The following CNTNAP2 variants were observed in gnomAD, a reference collection of about 807,000 sequenced individuals.
The protein encoded by CNTNAP2 is contactin-associated protein-like 2.
Under a neutral mutation model 155.2 loss-of-function variants are expected in CNTNAP2, and 98 were observed. The observed-to-expected ratio is 0.63, with a 90% CI of 0.54 to 0.75. CNTNAP2 has a LOEUF of 0.75. Ranked by LOEUF, CNTNAP2 falls within the 30% of genes least tolerant of loss-of-function variation. The probability of loss-of-function intolerance (pLI) is 0.00; values close to 1 mark genes in which losing one functional copy is unlikely to be tolerated. For missense variants in CNTNAP2, 1,727 were observed against 1,688.1 expected (o/e 1.02, Z -0.40); for synonymous variants, 651 against 631.2 (o/e 1.03, Z -0.47).
chr7:146,661,906 T>C lies in CNTNAP2; in HGVS notation c.98-112365T>C, dbSNP rs368693201. On this transcript the variant is annotated intron_variant, in intron 1 of 23. Coordinates refer to ENST00000361727, the MANE Select transcript of CNTNAP2 (RefSeq NM_014141.6). Reference sequence around the variant, plus strand: ...AAATAACAAACATGGTTATACCATTTTGCATTTCTAGCCAAAAAATATAAA... The same window carrying C: ...AAATAACAAACATGGTTATACCATTCTGCATTTCTAGCCAAAAAATATAAA... Among the ~76,000 whole-genome samples the C allele has an allele frequency of 3.9e-5, 6 of 152,318 alleles. No individual in the cohort carries two copies. In the South Asian group the frequency reaches 1.2e-3, roughly 32 times the overall value.
chr7:146,705,581 G>A (rs758988182), intron 1 of CNTNAP2, among the ~76,000 whole-genome samples: 11 of 151,042 alleles, frequency 7.3e-5, no homozygotes, highest in Non-Finnish European at 1.0e-4. Context: ...CCTGAGACTG[G>A]ATAATTTATA....
intron 1 of CNTNAP2, among the ~76,000 whole-genome samples, chr7:146,172,365 C>A (rs116824154): frequency 6.6e-6 from 1 of 151,776 alleles, no homozygotes; most frequent in Non-Finnish European, 1.5e-5. Flanking sequence ...ATGACCACCC[C>A]CAAAGCACAG....
intron 10 of CNTNAP2, among the ~76,000 whole-genome samples, chr7:147,458,764 T>C (rs1025759696): frequency 6.6e-6 from 1 of 152,254 alleles, no homozygotes; most frequent in African/African-American, 2.4e-5. Context: ...CTAGTATCAA[T>C]ATAGCTTAAC....
chr7:148,020,035 C>T (rs1229444415), intron 15 of CNTNAP2, among the ~76,000 whole-genome samples: 1 of 152,170 alleles, frequency 6.6e-6, no homozygotes, highest in Non-Finnish European at 1.5e-5. Flanking sequence ...GGTCCATCAG[C>T]CTTGGCCTTC....
chr7:147,979,655 C>T (rs1370496000), intron 15 of CNTNAP2, among the ~76,000 whole-genome samples: 14 of 152,030 alleles, frequency 9.2e-5, no homozygotes, highest in Non-Finnish European at 2.1e-4. Flanking sequence ...CGGAGTCTTG[C>T]TCTGTCGCCC....
intron 15 of CNTNAP2, among the ~76,000 whole-genome samples, chr7:148,112,740 GAA>G (rs1489660343): frequency 1.3e-5 from 2 of 152,022 alleles, no homozygotes; most frequent in Admixed American, 1.3e-4. Flanking sequence ...TATTTGGGGA[GAA>G]TATAGAGAAA....
At chr7:147,607,546 T>C (rs922056267) in intron 12 of CNTNAP2, among the ~76,000 whole-genome samples, 7 of 152,158 alleles carry the variant, frequency 4.6e-5, no homozygotes, top group African/African-American at 1.7e-4. Context: ...AAGTCACATA[T>C]AACACAGCCC....
rs372582943 is a variant in CNTNAP2, at chr7:146,906,021, C to A, written c.402+66117C>A. ...GCAAGGGGTCAGGGAGTTCCCTTTC[C>A]GAGTCAAAGAAAGGGGTGACGGACG... On this transcript the variant is annotated intron_variant, in intron 3 of 23. Coordinates refer to ENST00000361727, the MANE Select transcript of CNTNAP2 (RefSeq NM_014141.6). 5.9e-5 allele frequency among the ~76,000 whole-genome samples: 9 copies of A among 152,298 alleles called. No individual in the cohort carries two copies. The East Asian group carries it at 1.7e-3, about 29-fold the overall frequency.
At chr7:146,181,494 C>T (rs1267121754) in intron 1 of CNTNAP2, among the ~76,000 whole-genome samples, 4 of 152,030 alleles carry the variant, frequency 2.6e-5, no homozygotes, top group Non-Finnish European at 5.9e-5. Context: ...TAAATCAATG[C>T]GGTTTTACAT....
intron 13 of CNTNAP2, among the ~76,000 whole-genome samples, chr7:147,811,521 C>T (rs1798179382): frequency 6.6e-6 from 1 of 152,150 alleles, no homozygotes; most frequent in African/African-American, 2.4e-5. Flanking sequence ...CGATGTTTGG[C>T]TCATGAAGAC....
chr7:146,861,232 T>C (rs1795092823), intron 3 of CNTNAP2, among the ~76,000 whole-genome samples: 1 of 152,074 alleles, frequency 6.6e-6, no homozygotes, highest in African/African-American at 2.4e-5. Context: ...TTTGTATTTT[T>C]AGTAGAGACA....
In CNTNAP2 at chr7:147,903,655, G is replaced by A. The variant is rs1799912086; in HGVS notation, c.2189G>A (p.Cys730Tyr). 4 of 1,614,112 alleles carry A rather than the reference G, an allele frequency of 2.5e-6. No individual in the cohort carries two copies. The highest frequency in any genetic ancestry group is 3.4e-6 in the Non-Finnish European group (4 of 1,179,996). The change falls in exon 14 of 24, where the codon TGC (cysteine) becomes TAC (tyrosine). Residue 730 changes from cysteine to tyrosine, a missense_variant. By Grantham distance (194) the Cys-to-Tyr change is radical. Coordinates refer to ENST00000361727, the MANE Select transcript of CNTNAP2 (RefSeq NM_014141.6). ...GSGPGIQKCACGIERNCTDPK... is the reference protein window; with the variant it reads ...GSGPGIQKCAYGIERNCTDPK... ...GGGCCTGGAATCCAGAAATGTGCCT[G>A]CGGCATCGAACGCAACTGCACAGAT...
intron 1 of CNTNAP2, among the ~76,000 whole-genome samples, chr7:146,576,081 A>G (rs1345564036): frequency 2.6e-5 from 4 of 152,194 alleles, no homozygotes; most frequent in Non-Finnish European, 2.9e-5. Context: ...GGAGCCCATG[A>G]CAGTGAAGAA....
chr7:148,303,938 T>C (rs938516263), intron 21 of CNTNAP2, among the ~76,000 whole-genome samples: 3 of 152,204 alleles, frequency 2.0e-5, no homozygotes, highest in Admixed American at 6.5e-5. Context: ...AAGTTGAAGT[T>C]TGAAGAAAAT....
chr7:147,330,414 C>T (rs1167117231), intron 9 of CNTNAP2, among the ~76,000 whole-genome samples: 1 of 152,048 alleles, frequency 6.6e-6, no homozygotes, highest in African/African-American at 2.4e-5. Flanking sequence ...TCTTGAGTTC[C>T]CTGAGATACT....
intron 13 of CNTNAP2, among the ~76,000 whole-genome samples, chr7:147,663,156 G>A (rs1023540229): frequency 2.1e-5 from 3 of 144,572 alleles, no homozygotes; most frequent in Non-Finnish European, 4.5e-5. Context: ...CCACAACCAC[G>A]CCCGGCTAAT....
intron 17 of CNTNAP2, among the ~76,000 whole-genome samples, chr7:148,159,306 A>G (rs1399154037): frequency 6.6e-6 from 1 of 152,124 alleles, no homozygotes; most frequent in Admixed American, 6.5e-5. Flanking sequence ...AACGTATTTT[A>G]TGGATGGTCT....
At chr7:147,268,730 C>T (rs965360993) in intron 8 of CNTNAP2, among the ~76,000 whole-genome samples, 3 of 152,144 alleles carry the variant, frequency 2.0e-5, no homozygotes, top group Non-Finnish European at 4.4e-5. Flanking sequence ...ATTTCAGATA[C>T]ACTGAGTTTT....
At chr7:146,660,497 T>C (rs1321058261) in intron 1 of CNTNAP2, among the ~76,000 whole-genome samples, 1 of 152,238 alleles carries the variant, frequency 6.6e-6, no homozygotes, top group African/African-American at 2.4e-5. Flanking sequence ...GTACTTCAAA[T>C]TGTTGTTACA....
Sources: allele counts gnomAD v4.1 joint callset (sites outside exome capture counted in the v4.1 genomes callset), GRCh38; gene constraint gnomAD v4.1.1; transcripts MANE v1.5; gene names NCBI Gene and HGNC (gene_info 2026-07-23, HGNC 2026-07-21).